Variants in CACNA1B observed in about 807,000 individuals in gnomAD.
CACNA1B encodes voltage-dependent N-type calcium channel subunit alpha-1B.
In CACNA1B, 70 loss-of-function variants were observed where a neutral mutation model predicts 247.2. The observed-to-expected ratio is 0.28, with a 90% CI of 0.23 to 0.35. The LOEUF (loss-of-function observed/expected upper bound fraction) is 0.35. Among genes scored for constraint, CACNA1B ranks in the 10% least tolerant of loss-of-function variants. CACNA1B has a pLI of 1.00. For missense variants in CACNA1B, 2,367 were observed against 3,197.4 expected, an observed-to-expected ratio of 0.74 and a Z score of 6.26; for synonymous variants, 1,231 against 1,294.4, an observed-to-expected ratio of 0.95 and a Z score of 1.05.
In CACNA1B at chr9:138,059,567, C is replaced by A; in HGVS notation, c.4585-87C>A. The A allele has an allele frequency of 1.2e-6, 1 of 826,124 alleles. No individual in the cohort carries two copies. Among genetic ancestry groups the A allele is most frequent in the Non-Finnish European group, 2.1e-6 (1 of 474,554 alleles). The allele number at this position is 826,124 out of a possible 1,614,324, so 51.2% of individuals were successfully genotyped here. ...CAGGGTCTATCACCCTCACCGCTTT[C>A]TTAATCAGGGCCACCACCTATATAT... On this transcript the variant is annotated intron_variant, in intron 30 of 46. Coordinates refer to ENST00000371372, the MANE Select transcript of CACNA1B (RefSeq NM_000718.4). This position sits in a 1 kb window ranked among gnomAD's most constrained non-coding sequence, Gnocchi z 4.2.
chr9:138,121,826 G>A lies in CACNA1B; in HGVS notation c.6847G>A (p.Ala2283Thr), dbSNP rs1351140583. The A allele has an allele frequency of 2.5e-6, 4 of 1,613,320 alleles. No homozygotes were observed. Among genetic ancestry groups the A allele is most frequent in the South Asian group, 2.2e-5 (2 of 91,084 alleles). ...LPEDTLTFEEAVATNSGRSSR... is the reference protein window; with the variant it reads ...LPEDTLTFEETVATNSGRSSR... ...TGAGGACACTCTCACTTTCGAGGAGGCTGTGGCCACCAACTCGGGCCGCTC... is the reference window on the plus strand; with the variant it reads ...TGAGGACACTCTCACTTTCGAGGAGACTGTGGCCACCAACTCGGGCCGCTC... Residue 2283 changes from alanine (A) to threonine (T), a missense_variant, in exon 47 of 47, where the codon GCT (alanine) becomes ACT (threonine). Physicochemically the swap from Ala to Thr is moderately conservative, Grantham distance 58. Transcript: ENST00000371372. This position sits in a 1 kb window ranked among gnomAD's most constrained non-coding sequence, Gnocchi z 6.8.
chr9:137,944,187 T>G (rs1957766946), intron 6 of CACNA1B, among the ~76,000 whole-genome samples: 1 of 152,118 alleles, frequency 6.6e-6, no homozygotes. Context: ...TTATACATCA[T>G]GAAAGCAATA....
chr9:138,083,240 G>C (rs751109300), intron 36 of CACNA1B, among the ~76,000 whole-genome samples: 36 of 150,832 alleles, frequency 2.4e-4, no homozygotes, highest in Admixed American at 4.6e-4. Context: ...AGTAGCCGCA[G>C]CTTCCCTTTA....
At chr9:137,994,940 C>A in intron 15 of CACNA1B, among the ~76,000 whole-genome samples, 1 of 152,154 alleles carries the variant, frequency 6.6e-6, no homozygotes, top group Non-Finnish European at 1.5e-5. Flanking sequence ...TGCAGTGGCT[C>A]TTGCCTGTAA....
chr9:138,048,233 G>T (rs1007969518), intron 23 of CACNA1B, among the ~76,000 whole-genome samples: 1 of 152,136 alleles, frequency 6.6e-6, no homozygotes, highest in African/African-American at 2.4e-5. Flanking sequence ...TTATGTTACC[G>T]GCCTAGAATC....
At chr9:137,883,068 C>T (rs1429804186) in intron 3 of CACNA1B, 185 bp downstream of exon 3, 1 of 646,638 alleles carries the variant, frequency 1.5e-6, no homozygotes, top group African/African-American at 1.8e-5. Flanking sequence ...GGTGCTTCTC[C>T]CAGGGGTGCC....
In CACNA1B at chr9:137,919,835, C is replaced by T. The variant is rs574672564; in HGVS notation, c.966+2404C>T. On this transcript the variant is annotated intron_variant, in intron 6 of 46. Transcript: ENST00000371372. This position sits in a 1 kb window ranked among gnomAD's most constrained non-coding sequence, Gnocchi z 4.6. ...TGGATTGCTGAAAAGCTGGTGGCAG[C>T]GGGTGGGGCAGCGTGGGGGCACTCC... Among the ~76,000 whole-genome samples the T allele has an allele frequency of 1.6e-4, 25 of 152,118 alleles. No individual in the cohort carries two copies. Among genetic ancestry groups the T allele is most frequent in the Non-Finnish European group, 3.5e-4 (24 of 68,002 alleles).
At position 138,101,869 on chromosome 9, in the gene CACNA1B, C is replaced by G. The variant is rs77282786; in HGVS notation, c.5223-842C>G. 2.6e-3 allele frequency among the ~76,000 whole-genome samples: 396 copies of G among 152,346 alleles called. 5 individuals are homozygous for G. In the East Asian group the frequency reaches 0.037, roughly 14 times the overall value. ...ACCCCAAGCCCACAGGCAGGTGTCC[C>G]AGGGTTGGAGGTAGGCCCCAGGCCT... On this transcript the variant is annotated intron_variant, in intron 37 of 46. Coordinates refer to ENST00000371372, the MANE Select transcript of CACNA1B (RefSeq NM_000718.4).
intron 6 of CACNA1B, among the ~76,000 whole-genome samples, chr9:137,943,843 G>A (rs943276248): frequency 2.6e-5 from 4 of 152,206 alleles, no homozygotes; most frequent in Middle Eastern, 6.3e-3. Flanking sequence ...TGAGCACGGT[G>A]CCAGGGAGTG....
At chr9:137,968,908 T>C (rs1958113429) in intron 10 of CACNA1B, among the ~76,000 whole-genome samples, 1 of 152,256 alleles carries the variant, frequency 6.6e-6, no homozygotes, top group African/African-American at 2.4e-5. Flanking sequence ...ATAAGCTTTT[T>C]CATTATAAAG....
At position 138,026,919 on chromosome 9, in the gene CACNA1B, C is replaced by A. The variant is rs138360751; in HGVS notation, c.3286+1747C>A. Among the ~76,000 whole-genome samples, 69 of 152,328 alleles carry A rather than the reference C, an allele frequency of 4.5e-4. 3 individuals are homozygous for A. In the East Asian group the frequency reaches 8.5e-3, roughly 19 times the overall value. On this transcript the variant is annotated intron_variant, in intron 20 of 46. Transcript: ENST00000371372. ...AATGAGAGTTCCTGTTGCTCCACAT[C>A]CTTGCCAATATTCAGTGTTGTCAGT...
chr9:138,066,553 G>A (rs1959924310), intron 31 of CACNA1B, among the ~76,000 whole-genome samples: 1 of 152,212 alleles, frequency 6.6e-6, no homozygotes, highest in Non-Finnish European at 1.5e-5. Context: ...GGGAGCCAGT[G>A]TGGACAGAAG....
intron 3 of CACNA1B, among the ~76,000 whole-genome samples, chr9:137,894,981 T>C (rs1313696490): frequency 6.6e-6 from 1 of 152,206 alleles, no homozygotes; most frequent in East Asian, 1.9e-4. Flanking sequence ...CGTGATTCTC[T>C]TTTTCTAAAA....
chr9:138,056,330 T>C (rs1959496629), intron 26 of CACNA1B, among the ~76,000 whole-genome samples: 1 of 152,274 alleles, frequency 6.6e-6, no homozygotes, highest in African/African-American at 2.4e-5. Context: ...AATTGAATGA[T>C]ACAATATGTG....
At chr9:137,964,241 T>G (rs943637332) in intron 10 of CACNA1B, among the ~76,000 whole-genome samples, 1 of 152,240 alleles carries the variant, frequency 6.6e-6, no homozygotes, top group Non-Finnish European at 1.5e-5. Context: ...TGGCCAGTCT[T>G]GCTAGGTTGA....
intron 3 of CACNA1B, among the ~76,000 whole-genome samples, chr9:137,912,957 G>C (rs1049136542): frequency 6.6e-6 from 1 of 152,114 alleles, no homozygotes; most frequent in East Asian, 1.9e-4. Flanking sequence ...AGCGCTTCTG[G>C]ATTCAGTTCC....
chr9:137,878,251 C>CGGGGACCGGGGT (rs1360038530), intron 1 of CACNA1B, 34 bp downstream of exon 1: 1 of 229,122 alleles, frequency 4.4e-6, no homozygotes, highest in Non-Finnish European at 7.0e-6. Context: ...CGGGGCCGGG[C>CGGGGACCGGGGT]GGGGACCGGG....
chr9:138,028,023 CTTTTTTTTTTTTTT>C lies in CACNA1B; in HGVS notation c.3286+2866_3286+2879del, dbSNP rs541594878. ...GGTCTCATTTCCACTCCCCCCCAAC[CTTTTTTTTTTTTTT>C]TTTTTTTTTTTTTTGAGACTGAGCC... is the stretch of plus-strand genomic sequence containing the variant. On this transcript the variant is annotated intron_variant, in intron 20 of 46. Coordinates refer to ENST00000371372, the MANE Select transcript of CACNA1B (RefSeq NM_000718.4). 4.9e-4 allele frequency among the ~76,000 whole-genome samples: 48 copies of C among 98,776 alleles called. No individual in the cohort carries two copies. In the East Asian group the frequency reaches 0.014, roughly 28 times the overall value. 64.8% of individuals were successfully genotyped at this position (98,776 alleles called of 152,430 possible). A position where few individuals can be genotyped will look rare whatever the true frequency, so the allele number is the denominator to read the frequency against.
Position 138,114,397 on chromosome 9 carries a change from G to C in CACNA1B, c.5556G>C (p.Gly1852=). The change falls in exon 41 of 47, where the codon GGG becomes GGC. Residue 1852 remains glycine, a synonymous_variant. Transcript: ENST00000371372. ...PPHKPDEMTV[G]KVYAALMIFD... ...TTCCAGCTGATGAGATGACAGTGGG[G>C]AAGGTTTATGCAGCTCTGATGATAT... 1 of 1,578,040 alleles carries C rather than the reference G, an allele frequency of 6.3e-7. No homozygotes were observed. Among genetic ancestry groups the C allele is most frequent in the Non-Finnish European group, 8.7e-7 (1 of 1,154,652 alleles).
Sources: gnomAD v4.1 joint callset for allele counts (sites outside exome capture counted in the v4.1 genomes callset) on GRCh38, gnomAD v4.1.1 for gene constraint, Gnocchi (gnomAD v3.1) non-coding constraint, MANE v1.5 for transcripts, NCBI Gene and HGNC (gene_info 2026-07-23, HGNC 2026-07-21) for gene names.